The following KCNH7 variants were observed in gnomAD, a reference collection of about 807,000 sequenced individuals.
The protein encoded by KCNH7 is potassium voltage-gated channel subfamily H member 7, also known as voltage-gated inwardly rectifying potassium channel KCNH7.
KCNH7 carries 49 observed loss-of-function variants against 120.8 expected under a neutral mutation model. That is an observed-to-expected ratio of 0.41 (90% CI 0.32 to 0.51). The LOEUF is 0.51. Among genes scored for constraint, KCNH7 ranks in the 20% least tolerant of loss-of-function variants. KCNH7 has a pLI of 0.38. For missense variants in KCNH7, 1,097 were observed against 1,446.6 expected, an observed-to-expected ratio of 0.76 and a Z score of 3.92; for synonymous variants, 547 against 516.1, an observed-to-expected ratio of 1.06 and a Z score of -0.81.
chr2:162,674,138 AAATTTTTAG>A (rs1341091913), intron 2 of KCNH7, among the ~76,000 whole-genome samples: 1 of 151,858 alleles, frequency 6.6e-6, no homozygotes, highest in Non-Finnish European at 1.5e-5. Context: ...GTGGAAAGAT[AAATTTTTAG>A]AATTAATAAG....
At chr2:162,600,548 C>T (rs774318459) in intron 2 of KCNH7, among the ~76,000 whole-genome samples, 44 of 152,090 alleles carry the variant, frequency 2.9e-4, no homozygotes, top group Non-Finnish European at 5.6e-4. Flanking sequence ...TGACAAGCCC[C>T]TAAATGCTCT....
intron 6 of KCNH7, among the ~76,000 whole-genome samples, chr2:162,499,475 A>G (rs560846900): frequency 3.3e-5 from 5 of 152,104 alleles, no homozygotes; most frequent in Non-Finnish European, 7.4e-5. Flanking sequence ...AAAAACACAC[A>G]CATCTTCTGA....
At chr2:162,782,872 C>T (rs1257205199) in intron 2 of KCNH7, among the ~76,000 whole-genome samples, 1 of 152,196 alleles carries the variant, frequency 6.6e-6, no homozygotes, top group African/African-American at 2.4e-5. Context: ...ATCTCCTCCC[C>T]TTCAAATTAT....
intron 2 of KCNH7, among the ~76,000 whole-genome samples, chr2:162,624,421 G>A (rs957240937): frequency 3.3e-5 from 5 of 152,106 alleles, no homozygotes; most frequent in Non-Finnish European, 7.4e-5. Flanking sequence ...TTAGGAGGAA[G>A]GGCTGATCAG....
At chr2:162,809,011 T>C (rs1416781727) in intron 2 of KCNH7, among the ~76,000 whole-genome samples, 3 of 152,136 alleles carry the variant, frequency 2.0e-5, no homozygotes, top group South Asian at 2.1e-4. Context: ...TATCCACTGA[T>C]AGACTTTTCT....
At chr2:162,382,936 A>G (rs932857160) in intron 13 of KCNH7, among the ~76,000 whole-genome samples, 1 of 151,974 alleles carries the variant, frequency 6.6e-6, no homozygotes, top group African/African-American at 2.4e-5. Flanking sequence ...CAAGATAATT[A>G]TTATTTGAAT....
intron 2 of KCNH7, among the ~76,000 whole-genome samples, chr2:162,738,742 T>C (rs2105405336): frequency 6.6e-6 from 1 of 152,366 alleles, no homozygotes. Context: ...AACACCTACT[T>C]CATCTGGGCT....
In KCNH7 at chr2:162,400,403, A is replaced by G. The variant is rs745584575; in HGVS notation, c.2193T>C (p.Ile731=). 12 of 1,612,002 alleles carry G rather than the reference A, an allele frequency of 7.4e-6. No individual in the cohort carries two copies. Among genetic ancestry groups the G allele is most frequent in the Non-Finnish European group, 9.3e-6 (11 of 1,178,690 alleles). ...GCAATGTCTGGTTGAGATGTAGACAAATGTCTGCTTGTAAGCATTCTGGGA... is the reference window on the plus strand; with the variant it reads ...GCAATGTCTGGTTGAGATGTAGACAGATGTCTGCTTGTAAGCATTCTGGGA... ...KGFPECLQAD[I]CLHLNQTLLQ... The change falls in exon 10 of 16, where the codon ATT becomes ATC. Residue 731 remains isoleucine, a synonymous_variant. Coordinates refer to ENST00000332142, the MANE Select transcript of KCNH7 (RefSeq NM_033272.4).
intron 2 of KCNH7, among the ~76,000 whole-genome samples, chr2:162,739,552 G>T (rs71424754): frequency 2.6e-5 from 4 of 152,096 alleles, no homozygotes; most frequent in Admixed American, 2.0e-4. Context: ...GGAATACATT[G>T]CTCCAGGTCC....
At chr2:162,644,468 T>C (rs993002975) in intron 2 of KCNH7, among the ~76,000 whole-genome samples, 14 of 152,224 alleles carry the variant, frequency 9.2e-5, no homozygotes, top group African/African-American at 3.4e-4. Flanking sequence ...CAATTCTTTC[T>C]GTCCAAAATG....
chr2:162,532,830 T>C (rs1691970957), intron 3 of KCNH7, among the ~76,000 whole-genome samples: 1 of 151,458 alleles, frequency 6.6e-6, no homozygotes, highest in Non-Finnish European at 1.5e-5. Flanking sequence ...GAGAAGAAAA[T>C]AGATAAGCTC....
chr2:162,601,311 C>T (rs766793033), intron 2 of KCNH7, among the ~76,000 whole-genome samples: 17 of 148,846 alleles, frequency 1.1e-4, no homozygotes, highest in Non-Finnish European at 1.8e-4. Flanking sequence ...AGGTTCTGGG[C>T]ATTTGGCTCC....
At chr2:162,438,880 A>G (rs934214638) in intron 7 of KCNH7, among the ~76,000 whole-genome samples, 14 of 152,270 alleles carry the variant, frequency 9.2e-5, no homozygotes, top group Admixed American at 7.2e-4. Flanking sequence ...TGCAGAATAG[A>G]GAGAAGTGAT....
chr2:162,460,977 A>G (rs1689128553), intron 6 of KCNH7, among the ~76,000 whole-genome samples: 4 of 152,202 alleles, frequency 2.6e-5, no homozygotes, highest in Admixed American at 2.0e-4. Context: ...AAAAGATTTT[A>G]AAAGGTATGT....
chr2:162,791,273 G>A (rs1226666854), intron 2 of KCNH7, among the ~76,000 whole-genome samples: 1 of 151,898 alleles, frequency 6.6e-6, no homozygotes, highest in East Asian at 1.9e-4. Flanking sequence ...TGTTGTTGTT[G>A]TTTCTTATGA....
intron 2 of KCNH7, among the ~76,000 whole-genome samples, chr2:162,612,056 T>G (rs1229417421): frequency 2.6e-5 from 4 of 152,158 alleles, no homozygotes; most frequent in Non-Finnish European, 5.9e-5. Context: ...TATCAAATAA[T>G]GTGAAAAGCC....
intron 3 of KCNH7, among the ~76,000 whole-genome samples, chr2:162,522,403 C>T (rs1391953329): frequency 6.6e-6 from 1 of 151,872 alleles, no homozygotes; most frequent in East Asian, 2.0e-4. Context: ...CAGTGTGGTA[C>T]AGATGGTCTT....
intron 2 of KCNH7, among the ~76,000 whole-genome samples, chr2:162,737,919 G>A (rs1687974123): frequency 6.6e-6 from 1 of 151,944 alleles, no homozygotes; most frequent in African/African-American, 2.4e-5. Context: ...ACAAAAATTA[G>A]CCACGTATGG....
chr2:162,751,367 C>A (rs187495373), intron 2 of KCNH7, among the ~76,000 whole-genome samples: 2 of 152,074 alleles, frequency 1.3e-5, no homozygotes, highest in Admixed American at 6.5e-5. Flanking sequence ...TTACCTTTTT[C>A]TGCTTATATT....
Sources: gnomAD v4.1 joint callset for allele counts (sites outside exome capture counted in the v4.1 genomes callset) on GRCh38, gnomAD v4.1.1 for gene constraint, MANE v1.5 for transcripts, NCBI Gene and HGNC (gene_info 2026-07-23, HGNC 2026-07-21) for gene names.